SRP54: variants seen among roughly 807,000 people sequenced by gnomAD.
SRP54 encodes the protein signal recognition particle 54, also known as signal recognition particle subunit SRP54.
Under a neutral mutation model 64.8 loss-of-function variants are expected in SRP54, and 10 were observed. The observed-to-expected ratio is 0.15, with a 90% CI of 0.10 to 0.26. The LOEUF is 0.26. Among genes scored for constraint, SRP54 ranks in the 10% least tolerant of loss-of-function variants. The pLI is 1.00. For synonymous variants in SRP54, 193 were observed against 185.6 expected (o/e 1.04, Z -0.32); for missense variants, 325 against 613.7 (o/e 0.53, Z 4.97).
At chr14:35,007,017 T>C (rs2044267045) in intron 4 of SRP54, among the ~76,000 whole-genome samples, 1 of 152,110 alleles carries the variant, frequency 6.6e-6, no homozygotes, top group Non-Finnish European at 1.5e-5. Flanking sequence ...GGCAAGACCC[T>C]GTCTCTACAA....
chr14:35,011,604 G>A lies in SRP54; in HGVS notation c.581G>A (p.Arg194His). 2 of 1,590,770 alleles carry A rather than the reference G, an allele frequency of 1.3e-6. No homozygotes were observed. The highest frequency in any genetic ancestry group is 8.6e-7 in the Non-Finnish European group (1 of 1,165,594). The change falls in exon 8 of 16, where the codon CGC (arginine) becomes CAC (histidine). Residue 194 changes from arginine (R) to histidine (H), a missense_variant. This residue lies in a region of SRP54 where 156 missense variants were observed against 254.6 expected (regional missense o/e 0.61). Coordinates refer to ENST00000216774, the MANE Select transcript of SRP54 (RefSeq NM_003136.4). The part of the protein sequence containing the change: ...FEIIIVDTSG[R>H]HKQEDSLFEE... ...ATTATTATTGTTGATACAAGTGGCC[G>A]CCACAAACAAGAAGACTCTTTGTTT...
intron 7 of SRP54, among the ~76,000 whole-genome samples, chr14:35,009,289 T>TC (rs2044316896): frequency 7.0e-6 from 1 of 143,058 alleles, no homozygotes; most frequent in African/African-American, 2.5e-5. Context: ...CAAATGATCC[T>TC]CCCACCTCAG....
intron 1 of SRP54, among the ~76,000 whole-genome samples, chr14:34,994,121 G>A (rs2044027686): frequency 6.6e-6 from 1 of 152,080 alleles, no homozygotes; most frequent in Non-Finnish European, 1.5e-5. Context: ...AGCCTTCTGA[G>A]TAGCTGGAAT....
intron 12 of SRP54, 91 bp downstream of exon 12, chr14:35,018,856 T>C: frequency 7.0e-7 from 1 of 1,424,948 alleles, no homozygotes. Context: ...TACATTCGGG[T>C]AAAAATATAT....
At chr14:35,016,844 TCTTTTTTTTTTTTTTTC>T (rs2044449175) in intron 11 of SRP54, among the ~76,000 whole-genome samples, 2 of 124,920 alleles carry the variant, frequency 1.6e-5, no homozygotes, top group South Asian at 2.5e-4. Flanking sequence ...TTTTTTCTTT[TCTTTTTTTTTTTTTTTC>T]TTCTTTTTTT....
intron 4 of SRP54, among the ~76,000 whole-genome samples, 156 bp downstream of exon 4, chr14:35,001,176 T>C (rs887347339): frequency 1.8e-4 from 8 of 43,498 alleles, no homozygotes; most frequent in Non-Finnish European, 4.9e-4. Context: ...CTTAGGGACC[T>C]TTTTTTTTTT....
At chr14:35,010,818 A>G (rs1322949337) in intron 7 of SRP54, among the ~76,000 whole-genome samples, 1 of 152,168 alleles carries the variant, frequency 6.6e-6, no homozygotes, top group Non-Finnish European at 1.5e-5. Context: ...AAAAACGTCA[A>G]ATGTCTAATA....
intron 1 of SRP54, among the ~76,000 whole-genome samples, chr14:34,994,291 G>A (rs7145608): frequency 9.9e-4 from 151 of 152,060 alleles, no homozygotes; most frequent in African/African-American, 3.4e-3. Context: ...GAGCCACCAC[G>A]CCTGGTGCTG....
chr14:35,025,319 G>A (rs146589295), intron 14 of SRP54, among the ~76,000 whole-genome samples: 86 of 152,216 alleles, frequency 5.6e-4, no homozygotes, highest in African/African-American at 1.8e-3. Flanking sequence ...ATTTCCAGAT[G>A]TTTTAAATTA....
At position 35,013,471 on chromosome 14, in the gene SRP54, A is replaced by C. The variant is rs765227848; in HGVS notation, c.762A>C (p.Ala254=). ...SVIVTKLDGH[A]KGGGALSAVA... ...TAGTGACAAAACTTGATGGCCATGC[A>C]AAAGGAGGTGGTGCACTCAGTGCGT... Residue 254 remains alanine (A), a synonymous_variant, in exon 9 of 16, where the codon GCA becomes GCC. Transcript: ENST00000216774. 1 of 1,614,168 alleles carries C rather than the reference A, an allele frequency of 6.2e-7. No individual in the cohort carries two copies. Among genetic ancestry groups the C allele is most frequent in the Non-Finnish European group, 8.5e-7 (1 of 1,180,018 alleles).
Position 35,028,411 on chromosome 14 carries a change from A to G in SRP54, c.1423+228A>G, listed in dbSNP as rs565010321. On this transcript the variant is annotated intron_variant, in intron 15 of 15. Coordinates refer to ENST00000216774, the MANE Select transcript of SRP54 (RefSeq NM_003136.4). ...GTGTGATGTTTGAGCAAGCTATTTAATCATCTTTTGTTTGTTCTGGTGACT... is the reference window on the plus strand; with the variant it reads ...GTGTGATGTTTGAGCAAGCTATTTAGTCATCTTTTGTTTGTTCTGGTGACT... 2.6e-5 allele frequency among the ~76,000 whole-genome samples: 4 copies of G among 152,234 alleles called. No homozygotes were observed. The East Asian group carries it at 7.7e-4, about 29-fold the overall frequency.
At chr14:35,023,128 AGTTG>A (rs1595014793) in intron 14 of SRP54, 48 bp downstream of exon 14, 2 of 1,483,870 alleles carry the variant, frequency 1.3e-6, no homozygotes, top group Admixed American at 4.1e-5. Context: ...AAAGAAAGGA[AGTTG>A]AGAAAAAAGA....
Position 35,012,264 on chromosome 14 carries a change from GAAT to G in SRP54, c.636+606_636+608del, listed in dbSNP as rs1301942872. 1.1e-4 allele frequency among the ~76,000 whole-genome samples: 16 copies of G among 149,822 alleles called. No homozygotes were observed. In the East Asian group the frequency reaches 3.1e-3, roughly 29 times the overall value. ...TAGTAATTAGCCTTTAGTTTCTGTT[GAAT>G]TTCCTTTTTAAAAATTCAGTTGGAA... On this transcript the variant is annotated intron_variant, in intron 8 of 15. Coordinates refer to ENST00000216774, the MANE Select transcript of SRP54 (RefSeq NM_003136.4).
chr14:35,012,941 G>GGT (rs1555354702), intron 8 of SRP54, among the ~76,000 whole-genome samples: 2 of 118,418 alleles, frequency 1.7e-5, no homozygotes, highest in Non-Finnish European at 3.4e-5. Context: ...AAATGTTGTA[G>GGT]TTTTTTTTTT....
intron 1 of SRP54, among the ~76,000 whole-genome samples, chr14:34,989,520 A>G (rs1190287211): frequency 1.3e-5 from 2 of 152,166 alleles, no homozygotes; most frequent in Non-Finnish European, 2.9e-5. Flanking sequence ...AGGATTTGAC[A>G]TAGCTAATCA....
chr14:34,995,041 C>T (rs1051028498), intron 1 of SRP54, among the ~76,000 whole-genome samples: 1 of 148,144 alleles, frequency 6.8e-6, no homozygotes, highest in African/African-American at 2.5e-5. Context: ...CTTGGCCTCC[C>T]AAAGTGCTGG....
chr14:35,007,217 G>T, intron 4 of SRP54, 66 bp from the exon 5 acceptor site: 1 of 1,108,758 alleles, frequency 9.0e-7, no homozygotes, highest in Non-Finnish European at 1.3e-6. Flanking sequence ...AAAGTTGTGG[G>T]GAAGGGGTTT....
At chr14:34,998,696 C>T (rs1397704559) in intron 2 of SRP54, among the ~76,000 whole-genome samples, 1 of 151,632 alleles carries the variant, frequency 6.6e-6, no homozygotes, top group Non-Finnish European at 1.5e-5. Context: ...GCCTGTAATC[C>T]CAGCTACTAG....
chr14:34,987,107 T>G (rs924304875), intron 1 of SRP54, among the ~76,000 whole-genome samples: 2 of 150,620 alleles, frequency 1.3e-5, no homozygotes, highest in African/African-American at 4.9e-5. Flanking sequence ...TGGCACTCCA[T>G]GTAGTCCCAG....
Sources: gnomAD v4.1 joint callset for allele counts (sites outside exome capture counted in the v4.1 genomes callset) on GRCh38, gnomAD v4.1.1 for gene constraint, gnomAD v4.1.1 regional missense constraint, MANE v1.5 for transcripts, NCBI Gene and HGNC (gene_info 2026-07-23, HGNC 2026-07-21) for gene names.